PPP1R12A: variants seen among roughly 807,000 people sequenced by gnomAD.
PPP1R12A encodes the protein protein phosphatase 1 regulatory subunit 12A, also known as myosin binding subunit.
A neutral mutation model predicts 139.6 loss-of-function variants in PPP1R12A; 19 were observed. That is an observed-to-expected ratio of 0.14 (90% confidence interval 0.09 to 0.20). The LOEUF (loss-of-function observed/expected upper bound fraction) is 0.20. Among genes scored for constraint, PPP1R12A ranks in the 10% least tolerant of loss-of-function variants. PPP1R12A has a pLI of 1.00. For synonymous variants in PPP1R12A, 427 were observed against 420.6 expected, an observed-to-expected ratio of 1.02 and a Z score of -0.19; for missense variants, 925 against 1,211.5, an observed-to-expected ratio of 0.76 and a Z score of 3.51.
At chr12:79,786,622 G>A in intron 21 of PPP1R12A, 144 bp from the exon 22 acceptor site, 1 of 528,634 alleles carries the variant, frequency 1.9e-6, no homozygotes. Flanking sequence ...CTTCATGGTT[G>A]CAAAGCAGAG....
At chr12:79,777,176 T>G (rs1260142145) in intron 24 of PPP1R12A, 27 of 893,830 alleles carry the variant, frequency 3.0e-5, no homozygotes, top group Non-Finnish European at 3.6e-5. Context: ...ATGTAAAATG[T>G]TATATACTGT....
intron 1 of PPP1R12A, among the ~76,000 whole-genome samples, chr12:79,896,173 T>C (rs973435943): frequency 2.0e-5 from 3 of 152,148 alleles, no homozygotes; most frequent in African/African-American, 4.8e-5. Context: ...AAATTTATTC[T>C]GGTACAACAG....
At chr12:79,782,927 T>G (rs1870641167) in intron 22 of PPP1R12A, among the ~76,000 whole-genome samples, 1 of 152,230 alleles carries the variant, frequency 6.6e-6, no homozygotes, top group Non-Finnish European at 1.5e-5. Flanking sequence ...TTTTCTTTTA[T>G]GCCAACCCTT....
Position 79,805,577 on chromosome 12 carries a change from A to G in PPP1R12A, c.2000+15T>C, listed in dbSNP as rs1873723889. On this transcript the variant is annotated intron_variant, in intron 14 of 24. Transcript: ENST00000450142. ...GGCAAGATATATCAGCAGTACTGTT[A>G]TGACCTTTACACACCTGCGTCTCTC... The G allele has an allele frequency of 6.2e-7, 1 of 1,612,696 alleles. No individual in the cohort carries two copies. Among genetic ancestry groups the G allele is most frequent in the Non-Finnish European group, 8.5e-7 (1 of 1,179,086 alleles).
chr12:79,934,739 C>A lies in PPP1R12A; in HGVS notation c.193G>T (p.Asp65Tyr). Residue 65 changes from aspartate (D) to tyrosine (Y), a missense_variant, in exon 1 of 25, where the codon GAC (aspartate) becomes TAC (tyrosine). By Grantham distance (160) the Asp-to-Tyr change is radical. Coordinates refer to ENST00000450142, the MANE Select transcript of PPP1R12A (RefSeq NM_002480.3). ...EVLKLLHRGA[D>Y]INYANVDGLT... ...CCGTCCACATTGGCGTAATTGATGT[C>A]GGCGCCGCGGTGCAGCAGCTTGAGG... 6.5e-7 allele frequency: 1 copy of A among 1,549,926 alleles called. No individual in the cohort carries two copies. Among genetic ancestry groups the A allele is most frequent in the Non-Finnish European group, 8.7e-7 (1 of 1,146,022 alleles).
intron 1 of PPP1R12A, among the ~76,000 whole-genome samples, chr12:79,923,917 G>A (rs909445420): frequency 2.6e-5 from 4 of 152,164 alleles, no homozygotes; most frequent in African/African-American, 7.2e-5. Context: ...GGTGGTGGAC[G>A]CCTGTAATCC....
chr12:79,840,293 A>G (rs1166340544), intron 3 of PPP1R12A, among the ~76,000 whole-genome samples: 1 of 152,188 alleles, frequency 6.6e-6, no homozygotes. Context: ...GGCATATAAT[A>G]AGCATTTAAT....
chr12:79,922,879 C>T (rs544660696), intron 1 of PPP1R12A, among the ~76,000 whole-genome samples: 50 of 151,006 alleles, frequency 3.3e-4, no homozygotes, highest in South Asian at 1.4e-3. Context: ...TTTGTATAAA[C>T]AATCATTTAA....
intron 2 of PPP1R12A, among the ~76,000 whole-genome samples, chr12:79,857,240 T>C (rs1880774499): frequency 1.3e-5 from 2 of 152,094 alleles, no homozygotes; most frequent in African/African-American, 4.8e-5. Flanking sequence ...CACCATGGAA[T>C]ACTATGCAGC....
intron 2 of PPP1R12A, among the ~76,000 whole-genome samples, chr12:79,863,780 A>T (rs1173725022): frequency 6.6e-6 from 1 of 152,178 alleles, no homozygotes; most frequent in Non-Finnish European, 1.5e-5. Flanking sequence ...ATTCAACAAG[A>T]AGAGCTAACT....
chr12:79,930,745 C>A (rs1316394437), intron 1 of PPP1R12A, among the ~76,000 whole-genome samples: 1 of 151,994 alleles, frequency 6.6e-6, no homozygotes, highest in Non-Finnish European at 1.5e-5. Flanking sequence ...GCACTCCAGC[C>A]TGGGCAACAA....
chr12:79,793,818 T>TA, intron 19 of PPP1R12A, 45 bp downstream of exon 19: 1 of 1,421,752 alleles, frequency 7.0e-7, no homozygotes, highest in South Asian at 1.2e-5. Context: ...AAGTAATTAT[T>TA]AAAAAATATG....
intron 2 of PPP1R12A, among the ~76,000 whole-genome samples, chr12:79,868,822 C>T (rs1418308377): frequency 6.6e-6 from 1 of 152,180 alleles, no homozygotes; most frequent in Non-Finnish European, 1.5e-5. Flanking sequence ...GCCCATAATA[C>T]TGATTCAGCA....
intron 19 of PPP1R12A, among the ~76,000 whole-genome samples, chr12:79,793,209 C>A (rs187186416): frequency 6.6e-5 from 10 of 152,290 alleles, no homozygotes; most frequent in African/African-American, 2.2e-4. Context: ...GCTTTCTACA[C>A]AGCCAAACAA....
In PPP1R12A at chr12:79,926,052, C is replaced by T. The variant is rs372993514; in HGVS notation, c.237+8643G>A. Among the ~76,000 whole-genome samples, 120 of 152,090 alleles carry T rather than the reference C, an allele frequency of 7.9e-4. 3 individuals are homozygous for T. In the South Asian group the frequency reaches 0.024, roughly 31 times the overall value. On this transcript the variant is annotated intron_variant, in intron 1 of 24. Coordinates refer to ENST00000450142, the MANE Select transcript of PPP1R12A (RefSeq NM_002480.3). ...CTGGGATTACAGGTGTGAGCCACTG[C>T]ATCCAGCCTAGAGATTACTTTTCTA...
intron 2 of PPP1R12A, among the ~76,000 whole-genome samples, chr12:79,862,016 G>C (rs779716749): frequency 6.6e-6 from 1 of 152,104 alleles, no homozygotes; most frequent in African/African-American, 2.4e-5. Flanking sequence ...TACTCAACAG[G>C]GTCCCCGACC....
At chr12:79,870,877 CA>C (rs1447158711) in intron 2 of PPP1R12A, among the ~76,000 whole-genome samples, 1 of 152,184 alleles carries the variant, frequency 6.6e-6, no homozygotes, top group Non-Finnish European at 1.5e-5. Flanking sequence ...TGACCAAGAC[CA>C]GGCCAAAAGA....
intron 4 of PPP1R12A, among the ~76,000 whole-genome samples, chr12:79,829,739 C>T (rs1367470518): frequency 6.6e-6 from 1 of 151,962 alleles, no homozygotes; most frequent in East Asian, 1.9e-4. Flanking sequence ...AAGAGAAAAA[C>T]GCTGTTCCCC....
chr12:79,810,072 A>C (rs1874336492), intron 9 of PPP1R12A, 62 bp from the exon 10 acceptor site: 14 of 1,247,170 alleles, frequency 1.1e-5, no homozygotes, highest in Non-Finnish European at 1.4e-5. Context: ...CAGTCCTTAA[A>C]TTGGAAACAA....
Sources: gnomAD v4.1 joint callset for allele counts (sites outside exome capture counted in the v4.1 genomes callset) on GRCh38, gnomAD v4.1.1 for gene constraint, MANE v1.5 for transcripts, NCBI Gene and HGNC (gene_info 2026-07-23, HGNC 2026-07-21) for gene names.